The following AGAP4 variants were observed in gnomAD, a reference collection of about 807,000 sequenced individuals.
AGAP4 encodes arf-GAP with GTPase, ANK repeat and PH domain-containing protein 4.
Under a neutral mutation model 60.7 loss-of-function variants are expected in AGAP4, and 13 were observed. The observed-to-expected ratio is 0.21, with a 90% CI of 0.14 to 0.34. The LOEUF (loss-of-function observed/expected upper bound fraction) is 0.34. Among genes scored for constraint, AGAP4 ranks in the 10% least tolerant of loss-of-function variants. The probability of loss-of-function intolerance (pLI) is 1.00; values close to 1 mark genes in which losing one functional copy is unlikely to be tolerated. For missense variants in AGAP4, 169 were observed against 884.0 expected (o/e 0.19, Z 10.26); for synonymous variants, 70 against 339.0 (o/e 0.21, Z 8.72).
Position 45,825,857 on chromosome 10 carries a change from C to G in AGAP4, c.*58G>C. On this transcript the variant is annotated 3_prime_UTR_variant, in exon 8 of 8. Transcript: ENST00000616763. ...ATTTCCTTTTGAAATTCTGAGTTAT[C>G]CTTATTTTTCCCATTTTGTTTTTGC... 7.9e-7 allele frequency: 1 copy of G among 1,258,334 alleles called. No homozygotes were observed. Among genetic ancestry groups the G allele is most frequent in the Non-Finnish European group, 1.1e-6 (1 of 938,284 alleles). The allele number at this position is 1,258,334 out of a possible 1,614,324, so 77.9% of individuals were successfully genotyped here.
rs782795318 is a variant in AGAP4 at position 45,825,867 on chromosome 10, C to T, written c.*48G>A. The T allele has an allele frequency of 3.1e-6, 4 of 1,294,444 alleles. 1 individual carries two copies. The highest frequency in any genetic ancestry group is 3.1e-6 in the Non-Finnish European group (3 of 965,488). 80.2% of individuals were successfully genotyped at this position (1,294,444 alleles called of 1,614,324 possible). A position where few individuals can be genotyped will look rare whatever the true frequency, so the allele number is the denominator to read the frequency against. ...GAAATTCTGAGTTATCCTTATTTTT[C>T]CCATTTTGTTTTTGCACCAAGGAGA... On this transcript the variant is annotated 3_prime_UTR_variant, in exon 8 of 8. Coordinates refer to ENST00000616763, the MANE Select transcript of AGAP4 (RefSeq NM_001276343.3).
Position 45,842,637 on chromosome 10 carries a change from T to A in AGAP4, c.362-950A>T, listed in dbSNP as rs1277336660. 3.1e-4 allele frequency among the ~76,000 whole-genome samples: 46 copies of A among 148,268 alleles called. 2 individuals carry two copies. The highest frequency in any genetic ancestry group is 1.2e-3 in the African/African-American group (45 of 37,994). Reference sequence around the variant, plus strand: ...TTTTTTCCCTAAAAAGAGGCCAGAATAATAAAAGCCCCAAGAGGGACTTGG... The same window carrying A: ...TTTTTTCCCTAAAAAGAGGCCAGAAAAATAAAAGCCCCAAGAGGGACTTGG... On this transcript the variant is annotated intron_variant, in intron 3 of 7. Transcript: ENST00000616763.
At position 45,834,446 on chromosome 10, in the gene AGAP4, C is replaced by T. The variant is rs1380496076; in HGVS notation, c.397-330G>A. On this transcript the variant is annotated intron_variant, in intron 4 of 7. Coordinates refer to ENST00000616763, the MANE Select transcript of AGAP4 (RefSeq NM_001276343.3). ...ATCCTAGCACTTTGGGAGGTGGAGG[C>T]GGGCGGATCACGAGGTCAAGAGATC... is the stretch of plus-strand genomic sequence containing the variant. Among the ~76,000 whole-genome samples, 490 of 138,940 alleles carry T rather than the reference C, an allele frequency of 3.5e-3. 21 individuals are homozygous for T. The highest frequency in any genetic ancestry group is 0.014 in the African/African-American group (467 of 33,536). 91.2% of individuals were successfully genotyped at this position (138,940 alleles called of 152,430 possible). A position where few individuals can be genotyped will look rare whatever the true frequency, so the allele number is the denominator to read the frequency against.
At chr10:45,834,761 TATTA>T (rs1384193412) in intron 4 of AGAP4, among the ~76,000 whole-genome samples, 3 of 140,114 alleles carry the variant, frequency 2.1e-5, no homozygotes, top group Admixed American at 1.4e-4. Flanking sequence ...TGAGAATTTC[TATTA>T]ATTAATTAAT....
rs1457971321 is a variant in AGAP4 at position 45,834,434 on chromosome 10, G to C, written c.397-318C>G. Among the ~76,000 whole-genome samples, 35 of 140,876 alleles carry C rather than the reference G, an allele frequency of 2.5e-4. 4 individuals carry two copies. Among genetic ancestry groups the C allele is most frequent in the African/African-American group, 1.0e-3 (35 of 34,304 alleles). The allele number at this position is 140,876 out of a possible 152,430, so 92.4% of individuals were successfully genotyped here. A position where few individuals can be genotyped will look rare whatever the true frequency, so the allele number is the denominator to read the frequency against. Reference sequence around the variant, plus strand: ...CTCACACCTGTAATCCTAGCACTTTGGGAGGTGGAGGCGGGCGGATCACGA... The same window carrying C: ...CTCACACCTGTAATCCTAGCACTTTCGGAGGTGGAGGCGGGCGGATCACGA... On this transcript the variant is annotated intron_variant, in intron 4 of 7. Transcript: ENST00000616763.
At chr10:45,847,006 C>G (rs1270241488) in intron 1 of AGAP4, 119 bp downstream of exon 1, 41 of 1,596,928 alleles carry the variant, frequency 2.6e-5, no homozygotes, top group Admixed American at 6.7e-5. Context: ...TGGCCAGCTC[C>G]CGGGAAAGCT....
chr10:45,842,828 CA>C (rs1475216494), intron 3 of AGAP4, among the ~76,000 whole-genome samples: 1 of 126,110 alleles, frequency 7.9e-6, no homozygotes. Context: ...CTGGGAAATA[CA>C]ATTCTGATAT....
At chr10:45,836,229 TTTTAG>T (rs1271236999) in intron 4 of AGAP4, among the ~76,000 whole-genome samples, 1 of 136,142 alleles carries the variant, frequency 7.3e-6, no homozygotes, top group Admixed American at 7.5e-5. Flanking sequence ...AAGTATTTTA[TTTTAG>T]TTTAGTTTAG....
chr10:45,831,641 C>T (rs1267284501), intron 5 of AGAP4, among the ~76,000 whole-genome samples: 3 of 124,912 alleles, frequency 2.4e-5, no homozygotes, highest in African/African-American at 8.7e-5. Context: ...CGTTAGAAGA[C>T]GCGTTTCTGT....
At chr10:45,849,474 AT>A (rs1422329546), upstream of AGAP4, among the ~76,000 whole-genome samples, 1 of 62,968 alleles carries the variant, frequency 1.6e-5, no homozygotes, top group Non-Finnish European at 4.3e-5. Context: ...GATGATGATG[AT>A]TATTATTATT....
At chr10:45,849,867 C>G (rs1195477976), upstream of AGAP4, among the ~76,000 whole-genome samples, 2 of 151,384 alleles carry the variant, frequency 1.3e-5, no homozygotes, top group Non-Finnish European at 2.9e-5. Context: ...CTCAGCCTCC[C>G]AAAGTGCTAG....
intron 4 of AGAP4, among the ~76,000 whole-genome samples, chr10:45,837,665 C>T (rs1286584605): frequency 6.6e-6 from 1 of 151,912 alleles, no homozygotes; most frequent in South Asian, 2.1e-4. Flanking sequence ...TGGCAAGCCA[C>T]ATGCGGGAGA....
chr10:45,831,480 T>C (rs1423396896), intron 5 of AGAP4, 51 bp from the exon 6 acceptor site: 6 of 1,580,432 alleles, frequency 3.8e-6, no homozygotes, highest in South Asian at 1.1e-5. Flanking sequence ...TTGTTAGGCC[T>C]GAAGACATTT....
intron 3 of AGAP4, among the ~76,000 whole-genome samples, chr10:45,842,359 AG>A (rs1210497473): frequency 2.0e-5 from 3 of 150,952 alleles, no homozygotes; most frequent in Non-Finnish European, 4.4e-5. Context: ...CTTCAGCCTT[AG>A]CCTCCGGACT....
upstream of AGAP4, among the ~76,000 whole-genome samples, chr10:45,852,231 A>AAACAAACAAAC (rs2059093595): frequency 6.7e-6 from 1 of 148,984 alleles, no homozygotes; most frequent in African/African-American, 2.5e-5. Flanking sequence ...AAAAAAAAAA[A>AAACAAACAAAC]AAAAAAAAAA....
chr10:45,831,709 C>T lies in AGAP4; in HGVS notation c.498-280G>A, dbSNP rs61857371. 9.4e-5 allele frequency among the ~76,000 whole-genome samples: 11 copies of T among 117,618 alleles called. No homozygotes were observed. In the South Asian group the frequency reaches 1.0e-3, roughly 11 times the overall value. 77.2% of individuals were successfully genotyped at this position (117,618 alleles called of 152,430 possible). The stretch of plus-strand genomic sequence containing the variant: ...TCCTTGTTATATGCTTTTCTACCCA[C>T]GAAACCTTTCGTCCCATGCGATTTA... On this transcript the variant is annotated intron_variant, in intron 5 of 7. Transcript: ENST00000616763.
chr10:45,847,605 C>T, upstream of AGAP4: 2 of 1,420,132 alleles, frequency 1.4e-6, no homozygotes, highest in Non-Finnish European at 1.8e-6. Flanking sequence ...GACCAGCCGG[C>T]TTATTTAATA....
intron 2 of AGAP4, among the ~76,000 whole-genome samples, chr10:45,844,665 T>TAAAA (rs1299137211): frequency 1.1e-5 from 1 of 91,266 alleles, no homozygotes; most frequent in Non-Finnish European, 2.2e-5. Context: ...CTCCTTTATT[T>TAAAA]AAAAAAAAAA....
chr10:45,836,809 T>C (rs2058824813), intron 4 of AGAP4, among the ~76,000 whole-genome samples: 1 of 131,810 alleles, frequency 7.6e-6, no homozygotes, highest in African/African-American at 2.9e-5. Flanking sequence ...TATTGACTTG[T>C]GTATGTTAAT....
Sources: allele counts gnomAD v4.1 joint callset (sites outside exome capture counted in the v4.1 genomes callset), GRCh38; gene constraint gnomAD v4.1.1; transcripts MANE v1.5; gene names NCBI Gene and HGNC (gene_info 2026-07-23, HGNC 2026-07-21).